NDRG1: variants seen among roughly 807,000 people sequenced by gnomAD.
The protein encoded by NDRG1 is N-myc downstream regulated 1, also known as protein NDRG1.
Under a neutral mutation model 56.9 loss-of-function variants are expected in NDRG1, and 32 were observed. That is an observed-to-expected ratio of 0.56 (90% CI 0.42 to 0.76). The LOEUF (loss-of-function observed/expected upper bound fraction) is 0.76. NDRG1 is among the 30% of genes least tolerant of loss of function. The pLI, the probability that NDRG1 is intolerant of heterozygous loss-of-function variation, is 0.00. For synonymous variants in NDRG1, 211 were observed against 204.1 expected (o/e 1.03, Z -0.29); for missense variants, 507 against 545.7 (o/e 0.93, Z 0.71).
intron 1 of NDRG1, among the ~76,000 whole-genome samples, chr8:133,294,455 T>C (rs1432702575): frequency 6.6e-6 from 1 of 152,250 alleles, no homozygotes; most frequent in Admixed American, 6.5e-5. Flanking sequence ...TCTCAGATGC[T>C]GAGTCATCAC....
intron 3 of NDRG1, 132 bp downstream of exon 3, chr8:133,280,100 T>C (rs1857698817): frequency 1.9e-6 from 2 of 1,074,478 alleles, no homozygotes; most frequent in Non-Finnish European, 2.8e-6. Flanking sequence ...GGTGAGGACC[T>C]AGCTGAGACC....
chr8:133,250,781 C>G (rs1426093316), intron 9 of NDRG1, among the ~76,000 whole-genome samples: 1 of 151,950 alleles, frequency 6.6e-6, no homozygotes, highest in Non-Finnish European at 1.5e-5. Context: ...AAGGCCACAC[C>G]CCACCCTTCC....
rs147184316 is a variant in NDRG1 at position 133,250,482 on chromosome 8, A to T, written c.656T>A (p.Met219Lys). 3 of 1,614,008 alleles carry T rather than the reference A, an allele frequency of 1.9e-6. No homozygotes were observed. Among genetic ancestry groups the T allele is most frequent in the Non-Finnish European group, 2.5e-6 (3 of 1,180,022 alleles). Residue 219 changes from methionine to lysine, a missense_variant, in exon 10 of 16, where the codon ATG (methionine) becomes AAG (lysine). Met to Lys is a moderately conservative substitution (Grantham distance 95, BLOSUM62 -1). Transcript: ENST00000323851. ...HTYRQHIVNDMNPGNLHLFIN... is the reference protein window; with the variant it reads ...HTYRQHIVNDKNPGNLHLFIN... ...GAACAGGTGCAGGTTGCCGGGGTTC[A>T]TGTCATTCACAATGTGCTGGCGGTA...
intron 2 of NDRG1, 62 bp downstream of exon 2, chr8:133,284,187 G>T: frequency 6.7e-7 from 1 of 1,490,378 alleles, no homozygotes; most frequent in Non-Finnish European, 9.4e-7. Context: ...GCTCCGGTGT[G>T]CCTGTGTGTG....
intron 3 of NDRG1, among the ~76,000 whole-genome samples, chr8:133,279,979 T>A (rs1240540604): frequency 6.6e-6 from 1 of 152,096 alleles, no homozygotes; most frequent in African/African-American, 2.4e-5. Flanking sequence ...TCTGGCCAGC[T>A]CTTTGGGACT....
In NDRG1 at chr8:133,258,205, T is replaced by G. The variant is rs371707044; in HGVS notation, c.450+161A>C. ...GAAGAGAAAAGGCTGTGAGTATATA[T>G]ATATACGAGTACCCATGCACCACAC... On this transcript the variant is annotated intron_variant, in intron 7 of 15. Transcript: ENST00000323851. Among the ~76,000 whole-genome samples the G allele has an allele frequency of 2.6e-5, 4 of 151,280 alleles. No homozygotes were observed. In the South Asian group the frequency reaches 6.3e-4, roughly 24 times the overall value.
At chr8:133,276,289 A>G (rs1030804585) in intron 3 of NDRG1, among the ~76,000 whole-genome samples, 3 of 152,194 alleles carry the variant, frequency 2.0e-5, no homozygotes, top group South Asian at 2.1e-4. Flanking sequence ...GGAGAATGTA[A>G]AAGTGTTTTG....
intron 1 of NDRG1, among the ~76,000 whole-genome samples, chr8:133,290,244 T>C (rs188533039): frequency 6.6e-6 from 1 of 152,232 alleles, no homozygotes; most frequent in Non-Finnish European, 1.5e-5. Context: ...GAAACATCCA[T>C]GATCTGTTCT....
Position 133,281,559 on chromosome 8 carries a change from G to A in NDRG1, c.64-1292C>T, listed in dbSNP as rs757382410. Among the ~76,000 whole-genome samples the A allele has an allele frequency of 5.9e-4, 88 of 148,726 alleles. 1 individual carries two copies. Among genetic ancestry groups the A allele is most frequent in the Non-Finnish European group, 1.0e-3 (69 of 66,996 alleles). ...GCTGGCATGTTTTCCTACTGACCCA[G>A]AGATGGAGTCCCAACACTGTGAAAA... On this transcript the variant is annotated intron_variant, in intron 2 of 15. Transcript: ENST00000323851.
chr8:133,238,117 A>G lies in NDRG1; in HGVS notation c.*761T>C. On this transcript the variant is annotated 3_prime_UTR_variant, in exon 16 of 16. Coordinates refer to ENST00000323851, the MANE Select transcript of NDRG1 (RefSeq NM_006096.4). ...TGGAGGAGAGGCAGAAAGCAGAACT[A>G]AAGCCTTCAAAAACCATGATGCCCA... 1 of 233,134 alleles carries G rather than the reference A, an allele frequency of 4.3e-6. No homozygotes were observed. The highest frequency in any genetic ancestry group is 8.5e-6 in the Non-Finnish European group (1 of 117,920). The allele number at this position is 233,134 out of a possible 1,614,324, so 14.4% of individuals were successfully genotyped here. A position where few individuals can be genotyped will look rare whatever the true frequency, so the allele number is the denominator to read the frequency against.
Position 133,237,690 on chromosome 8 carries a change from T to TGCCCC in NDRG1, c.*1187_*1188insGGGGC. On this transcript the variant is annotated 3_prime_UTR_variant, in exon 16 of 16. Transcript: ENST00000323851. Reference sequence around the variant, plus strand: ...CTCAGCCACCGCTCCCCACGTGAGTTCCCACCCCCACCCCGACAAGAGCAA... The same window carrying TGCCCC: ...CTCAGCCACCGCTCCCCACGTGAGTTGCCCCCCCACCCCCACCCCGACAAGAGCAA... The TGCCCC allele has an allele frequency of 8.7e-6, 2 of 228,720 alleles. No homozygotes were observed. Among genetic ancestry groups the TGCCCC allele is most frequent in the Non-Finnish European group, 1.7e-5 (2 of 115,480 alleles). 14.2% of individuals were successfully genotyped at this position (228,720 alleles called of 1,614,324 possible).
intron 1 of NDRG1, among the ~76,000 whole-genome samples, chr8:133,289,288 G>A (rs1858299935): frequency 6.6e-6 from 1 of 152,024 alleles, no homozygotes; most frequent in Non-Finnish European, 1.5e-5. Flanking sequence ...GATCAGCAGT[G>A]GGGCTTAAAT....
At position 133,238,429 on chromosome 8, in the gene NDRG1, T is replaced by G. The variant is rs140871542; in HGVS notation, c.*449A>C. 2.7e-3 allele frequency: 695 copies of G among 252,792 alleles called. 3 individuals are homozygous for G. The highest frequency in any genetic ancestry group is 0.014 in the African/African-American group (641 of 45,968). The allele number at this position is 252,792 out of a possible 1,614,324, so 15.7% of individuals were successfully genotyped here. On this transcript the variant is annotated 3_prime_UTR_variant, in exon 16 of 16. Transcript: ENST00000323851. ...CCCCCTCCCCAAATGAGAAAAGGAT[T>G]TTGTTTCCGGAAACTGGATCAGCTT...
At chr8:133,279,290 G>A (rs549349580) in intron 3 of NDRG1, among the ~76,000 whole-genome samples, 30 of 152,254 alleles carry the variant, frequency 2.0e-4, no homozygotes, top group Admixed American at 1.4e-3. Context: ...AGAAAGCCTC[G>A]ATCATCTACT....
rs148975075 is a variant in NDRG1 at position 133,291,290 on chromosome 8, T to C, written c.-19+5844A>G. ...TAAAAGGAGGGAAAAAATCAACATG[T>C]GCTGTGGCTGTTTGCTGTAGCAACT... On this transcript the variant is annotated intron_variant, in intron 1 of 15. Transcript: ENST00000323851. 6.8e-3 allele frequency among the ~76,000 whole-genome samples: 1,041 copies of C among 152,328 alleles called. 10 individuals carry two copies. Among genetic ancestry groups the C allele is most frequent in the South Asian group, 0.041 (198 of 4,822 alleles).
Position 133,264,571 on chromosome 8 carries a change from T to G in NDRG1, c.181A>C (p.Thr61Pro), listed in dbSNP as rs1173207907. 6.2e-7 allele frequency: 1 copy of G among 1,614,060 alleles called. No homozygotes were observed. Among genetic ancestry groups the G allele is most frequent in the Non-Finnish European group, 8.5e-7 (1 of 1,179,978 alleles). ...TPKGNRPVIL[T>P]YHDIGMNHKT... ...CGGTTCATGCCGATGTCATGGTAGG[T>G]GAGGATGACAGGCCGGTTTCCCTTG... Residue 61 changes from threonine to proline, a missense_variant, in exon 4 of 16, where the codon ACC becomes CCC. Transcript: ENST00000323851.
chr8:133,242,483 G>A (rs1003143513), intron 14 of NDRG1, among the ~76,000 whole-genome samples: 3 of 152,202 alleles, frequency 2.0e-5, no homozygotes, highest in Non-Finnish European at 2.9e-5. Context: ...AACCCCTCAC[G>A]AGGTCAGTGC....
intron 2 of NDRG1, among the ~76,000 whole-genome samples, chr8:133,280,501 G>A (rs1404718963): frequency 6.7e-6 from 1 of 150,212 alleles, no homozygotes; most frequent in African/African-American, 2.5e-5. Context: ...GCAGCTCACT[G>A]CAAGCTCCGC....
chr8:133,284,849 G>A (rs780731890), intron 1 of NDRG1: 7 of 456,582 alleles, frequency 1.5e-5, no homozygotes, highest in African/African-American at 1.0e-4. Flanking sequence ...ACACGCATGC[G>A]CGTGAACACA....
Sources: gnomAD v4.1 joint callset for allele counts (sites outside exome capture counted in the v4.1 genomes callset) on GRCh38, gnomAD v4.1.1 for gene constraint, MANE v1.5 for transcripts, NCBI Gene and HGNC (gene_info 2026-07-23, HGNC 2026-07-21) for gene names.